The following HMGN1 variants were observed in gnomAD, a reference collection of about 807,000 sequenced individuals.
HMGN1 encodes non-histone chromosomal protein HMG-14.
A neutral mutation model predicts 18.4 loss-of-function variants in HMGN1; 9 were observed. That is an observed-to-expected ratio of 0.49 (90% confidence interval 0.29 to 0.85). HMGN1 has a LOEUF of 0.85. Among genes scored for constraint, HMGN1 ranks in the 40% least tolerant of loss-of-function variants. The pLI is 0.07. For synonymous variants in HMGN1, 59 were observed against 45.0 expected, an observed-to-expected ratio of 1.31 and a Z score of -1.24; for missense variants, 151 against 119.2, an observed-to-expected ratio of 1.27 and a Z score of -1.24.
intron 4 of HMGN1, chr21:39,345,552 C>A (rs914156): frequency 0.4 from 197,139 of 490,392 alleles, 41,518 homozygotes; most frequent in Middle Eastern, 0.48. Context: ...CTTAAGGTCC[C>A]CCCCAGTAAT....
rs375482718 is a variant in HMGN1, at chr21:39,348,555, G to A, written c.38C>T (p.Ala13Val). 6.2e-7 allele frequency: 1 copy of A among 1,612,838 alleles called. No homozygotes were observed. The highest frequency in any genetic ancestry group is 8.5e-7 in the Non-Finnish European group (1 of 1,179,502). The change falls in exon 2 of 6, where the codon GCC becomes GTC. Residue 13 changes from alanine to valine, a missense_variant. By Grantham distance (64) the Ala-to-Val change is moderately conservative. Coordinates refer to ENST00000380749, the MANE Select transcript of HMGN1 (RefSeq NM_004965.7). Reference sequence around the variant, plus strand: ...AAGGCCCGCACTCACCTCTTCCTTGGCGGCGCCTTCGGCGGAGCTGACCTG... The same window carrying A: ...AAGGCCCGCACTCACCTCTTCCTTGACGGCGCCTTCGGCGGAGCTGACCTG... ...KRKVSSAEGA[A>V]KEEPKRRSAR...
In HMGN1 at chr21:39,348,943, G is replaced by A; in HGVS notation, c.-26C>T. On this transcript the variant is annotated 5_prime_UTR_variant, in exon 1 of 6. Coordinates refer to ENST00000380749, the MANE Select transcript of HMGN1 (RefSeq NM_004965.7). ...CGTGGCGGCGGGGAAGGCGCGTGCC[G>A]GGTGCCTGCGGGGAAGGCGCGTGCC... 3 of 1,195,098 alleles carry A rather than the reference G, an allele frequency of 2.5e-6. No individual in the cohort carries two copies. Among genetic ancestry groups the A allele is most frequent in the East Asian group, 3.5e-5 (1 of 28,592 alleles). The allele number at this position is 1,195,098 out of a possible 1,614,324, so 74.0% of individuals were successfully genotyped here. A position where few individuals can be genotyped will look rare whatever the true frequency, so the allele number is the denominator to read the frequency against.
chr21:39,348,519 AC>A (rs773459571), intron 2 of HMGN1, 25 bp downstream of exon 2: 9 of 1,609,740 alleles, frequency 5.6e-6, no homozygotes, highest in Admixed American at 1.7e-5. Flanking sequence ...GAAACCCACC[AC>A]CCCCCGCAGA....
chr21:39,348,821 A>T (rs1486395324), intron 1 of HMGN1, 82 bp downstream of exon 1: 13 of 1,049,126 alleles, frequency 1.2e-5, no homozygotes, highest in Non-Finnish European at 1.5e-5. Flanking sequence ...CCGTGGGTGC[A>T]ACGGGGCCTG....
chr21:39,344,342 G>A (rs569406998), intron 5 of HMGN1, among the ~76,000 whole-genome samples: 1 of 151,268 alleles, frequency 6.6e-6, no homozygotes, highest in East Asian at 1.9e-4. Flanking sequence ...CTTAACTTAG[G>A]AATAAGTAGT....
At chr21:39,347,974 G>C in intron 4 of HMGN1, 1 of 1,213,574 alleles carries the variant, frequency 8.2e-7, no homozygotes, top group South Asian at 2.0e-5. Context: ...AAAAAAGGAA[G>C]TACAAGCACG....
chr21:39,347,545 C>CAG lies in HMGN1; in HGVS notation c.126+746_126+747insCT, dbSNP rs1056088610. The CAG allele has an allele frequency of 7.2e-6, 4 of 555,768 alleles. No individual in the cohort carries two copies. The African/African-American group carries it at 7.8e-5, about 11-fold the overall frequency. 34.4% of individuals were successfully genotyped at this position (555,768 alleles called of 1,614,324 possible). On this transcript the variant is annotated intron_variant, in intron 4 of 5. Coordinates refer to ENST00000380749, the MANE Select transcript of HMGN1 (RefSeq NM_004965.7). ...TTTTTGAGACTTCAAATAGCAAACT[C>CAG]TCACCTAAGTTTTGGATAAAAATTA...
intron 1 of HMGN1, 48 bp downstream of exon 1, chr21:39,348,855 G>A: frequency 2.8e-6 from 3 of 1,071,534 alleles, no homozygotes; most frequent in Middle Eastern, 4.0e-4. Context: ...CCGGCGGGGC[G>A]CCGGCGGCGG....
rs1465487349 is a variant in HMGN1, at chr21:39,348,717, G to T, written c.16-140C>A. The T allele has an allele frequency of 9.4e-6, 11 of 1,174,044 alleles. No individual in the cohort carries two copies. In the East Asian group the frequency reaches 1.5e-4, roughly 16 times the overall value. 72.7% of individuals were successfully genotyped at this position (1,174,044 alleles called of 1,614,324 possible). On this transcript the variant is annotated intron_variant, in intron 1 of 5. Coordinates refer to ENST00000380749, the MANE Select transcript of HMGN1 (RefSeq NM_004965.7). ...TTCGAATAGCCCCCTCAGCTCCCCC[G>T]GCCGCCAAACGTTCCAGAACGCCCG...
At chr21:39,348,599 A>T in intron 1 of HMGN1, 22 bp from the exon 2 acceptor site, 1 of 1,579,716 alleles carries the variant, frequency 6.3e-7, no homozygotes, top group Non-Finnish European at 8.6e-7. Flanking sequence ...GAGACGCACG[A>T]ATAGAGGCGG....
chr21:39,343,387 C>T (rs2735309), intron 5 of HMGN1, among the ~76,000 whole-genome samples: 46,255 of 152,092 alleles, frequency 0.3, 7,403 homozygotes, highest in Middle Eastern at 0.36. Flanking sequence ...TGTTGAGTTG[C>T]ATCACATGTA....
intron 5 of HMGN1, among the ~76,000 whole-genome samples, chr21:39,344,252 G>A (rs2036962980): frequency 1.2e-4 from 4 of 32,318 alleles, no homozygotes; most frequent in Admixed American, 9.1e-4. Flanking sequence ...GCGAAATTCC[G>A]TCTCAAAAAA....
intron 1 of HMGN1, 127 bp from the exon 2 acceptor site, chr21:39,348,704 C>T: frequency 8.3e-7 from 1 of 1,211,444 alleles, no homozygotes; most frequent in Non-Finnish European, 1.1e-6. Context: ...CGAATAGCCC[C>T]CTCAGCTCCC....
intron 4 of HMGN1, chr21:39,346,126 G>A: frequency 5.1e-6 from 2 of 392,442 alleles, no homozygotes; most frequent in South Asian, 2.1e-5. Flanking sequence ...AGCTAAATTA[G>A]TTTAGCCCCC....
chr21:39,347,583 A>ATCCCAGCACTTTGGGAG, intron 4 of HMGN1: 1 of 465,444 alleles, frequency 2.1e-6, no homozygotes, highest in Non-Finnish European at 4.3e-6. Context: ...CACCCCGCGA[A>ATCCCAGCACTTTGGGAG]GAACATGTAG....
chr21:39,345,331 G>A, intron 4 of HMGN1, 57 bp from the exon 5 acceptor site: 1 of 1,554,336 alleles, frequency 6.4e-7, no homozygotes, highest in Non-Finnish European at 8.8e-7. Flanking sequence ...TTTACATTTT[G>A]TTTTACTTTT....
intron 5 of HMGN1, among the ~76,000 whole-genome samples, chr21:39,343,879 A>C (rs1477632262): frequency 6.6e-6 from 1 of 152,214 alleles, no homozygotes; most frequent in African/African-American, 2.4e-5. Flanking sequence ...CATGTACTAG[A>C]AGGTCAAGTT....
At chr21:39,346,419 T>C (rs1190318578) in intron 4 of HMGN1, 1 of 142,612 alleles carries the variant, frequency 7.0e-6, no homozygotes, top group Non-Finnish European at 1.6e-5. Flanking sequence ...AACTACTCTT[T>C]TGTAGTCTGT....
Position 39,342,768 on chromosome 21 carries a change from G to A in HMGN1, c.*344C>T, listed in dbSNP as rs956646629. Reference sequence around the variant, plus strand: ...TGTTCAAGACATTAAATGCAGGACTGACTCCATATTGCCATTTAATATGCT... The same window carrying A: ...TGTTCAAGACATTAAATGCAGGACTAACTCCATATTGCCATTTAATATGCT... On this transcript the variant is annotated 3_prime_UTR_variant, in exon 6 of 6. Coordinates refer to ENST00000380749, the MANE Select transcript of HMGN1 (RefSeq NM_004965.7). 19 of 879,292 alleles carry A rather than the reference G, an allele frequency of 2.2e-5. 1 individual carries two copies. In the African/African-American group the frequency reaches 2.6e-4, roughly 12 times the overall value. The allele number at this position is 879,292 out of a possible 1,614,324, so 54.5% of individuals were successfully genotyped here. A position where few individuals can be genotyped will look rare whatever the true frequency, so the allele number is the denominator to read the frequency against.
Sources: gnomAD v4.1 joint callset for allele counts (sites outside exome capture counted in the v4.1 genomes callset) on GRCh38, gnomAD v4.1.1 for gene constraint, MANE v1.5 for transcripts, NCBI Gene and HGNC (gene_info 2026-07-23, HGNC 2026-07-21) for gene names.